Variants in PARD3B observed in about 807,000 individuals in gnomAD.
PARD3B encodes partitioning defective 3 homolog B.
Under a neutral mutation model 130.2 loss-of-function variants are expected in PARD3B, and 103 were observed. The observed-to-expected ratio is 0.79, with a 90% CI of 0.67 to 0.93. The LOEUF (loss-of-function observed/expected upper bound fraction) is 0.93, where lower values mean the gene tolerates loss of function less well. PARD3B is among the 40% of genes least tolerant of loss of function. The pLI is 0.00. For synonymous variants in PARD3B, 583 were observed against 553.2 expected (o/e 1.05, Z -0.76); for missense variants, 1,609 against 1,499.2 (o/e 1.07, Z -1.21).
intron 16 of PARD3B, among the ~76,000 whole-genome samples, chr2:205,279,543 G>T (rs1383835631): frequency 6.6e-6 from 1 of 152,152 alleles, no homozygotes; most frequent in African/African-American, 2.4e-5. Context: ...CTAAATGGAT[G>T]TCATACCATT....
intron 2 of PARD3B, among the ~76,000 whole-genome samples, chr2:204,730,113 C>T (rs1559095769): frequency 6.6e-6 from 1 of 151,874 alleles, no homozygotes; most frequent in Non-Finnish European, 1.5e-5. Flanking sequence ...TTGCTCTTGT[C>T]ACCCAGGCTG....
At chr2:205,384,205 T>C (rs1421084422) in intron 18 of PARD3B, among the ~76,000 whole-genome samples, 1 of 152,122 alleles carries the variant, frequency 6.6e-6, no homozygotes, top group East Asian at 1.9e-4. Flanking sequence ...GCAAGCCTTA[T>C]AATAGCTACT....
chr2:205,557,488 A>C (rs756292310), intron 22 of PARD3B, among the ~76,000 whole-genome samples: 1 of 152,122 alleles, frequency 6.6e-6, no homozygotes, highest in Non-Finnish European at 1.5e-5. Flanking sequence ...CTTAGCTCAC[A>C]CACGCTTCCC....
intron 15 of PARD3B, among the ~76,000 whole-genome samples, chr2:205,223,021 C>G (rs996097774): frequency 2.6e-5 from 4 of 151,998 alleles, no homozygotes; most frequent in African/African-American, 9.7e-5. Flanking sequence ...GGAGGAAATG[C>G]TAAAGTGTTC....
chr2:204,743,154 A>C lies in PARD3B; in HGVS notation c.222+56872A>C, dbSNP rs558237982. 7.2e-5 allele frequency among the ~76,000 whole-genome samples: 11 copies of C among 152,288 alleles called. No individual in the cohort carries two copies. The South Asian group carries it at 2.1e-3, about 29-fold the overall frequency. ...GTTTTAGTGTATGTACCCAGAGTAGATACTTACTAAATGTTGGTTAAATGA... is the reference window on the plus strand; with the variant it reads ...GTTTTAGTGTATGTACCCAGAGTAGCTACTTACTAAATGTTGGTTAAATGA... On this transcript the variant is annotated intron_variant, in intron 2 of 22. Coordinates refer to ENST00000406610, the MANE Select transcript of PARD3B (RefSeq NM_001302769.2).
intron 15 of PARD3B, among the ~76,000 whole-genome samples, chr2:205,236,552 C>T (rs968082092): frequency 6.6e-6 from 1 of 152,086 alleles, no homozygotes; most frequent in Non-Finnish European, 1.5e-5. Flanking sequence ...GGACTTCTAT[C>T]CTCCAGAAAT....
intron 2 of PARD3B, among the ~76,000 whole-genome samples, chr2:204,798,467 G>A (rs2042452131): frequency 6.6e-6 from 1 of 152,148 alleles, no homozygotes; most frequent in Admixed American, 6.5e-5. Flanking sequence ...TAGGCCACAA[G>A]GACTGCAATT....
intron 2 of PARD3B, among the ~76,000 whole-genome samples, chr2:204,711,181 CA>C (rs2038415543): frequency 6.6e-6 from 1 of 152,046 alleles, no homozygotes; most frequent in Non-Finnish European, 1.5e-5. Context: ...TGGACTTAAA[CA>C]ATTACTTGTT....
chr2:204,734,551 C>G, intron 2 of PARD3B, among the ~76,000 whole-genome samples: 1 of 151,938 alleles, frequency 6.6e-6, no homozygotes. Context: ...TATATCTATA[C>G]AGTGGAATTC....
chr2:204,622,699 A>G (rs369166497), intron 1 of PARD3B, among the ~76,000 whole-genome samples: 2 of 152,118 alleles, frequency 1.3e-5, no homozygotes, highest in African/African-American at 4.8e-5. Flanking sequence ...ATAAGAGGGT[A>G]AGTAACATGT....
chr2:204,797,160 G>A (rs1271628634), intron 2 of PARD3B, among the ~76,000 whole-genome samples: 1 of 138,404 alleles, frequency 7.2e-6, no homozygotes, highest in Non-Finnish European at 1.5e-5. Flanking sequence ...GAGAGACAGA[G>A]CGAGACTCTG....
chr2:204,570,798 C>A (rs1574479175), intron 1 of PARD3B, among the ~76,000 whole-genome samples: 1 of 148,952 alleles, frequency 6.7e-6, no homozygotes. Context: ...GCTGTTGTAA[C>A]TGAGGTGTAT....
intron 3 of PARD3B, among the ~76,000 whole-genome samples, chr2:205,020,936 C>T (rs1696548839): frequency 6.6e-6 from 1 of 152,082 alleles, no homozygotes; most frequent in African/African-American, 2.4e-5. Flanking sequence ...TGAGTGAGAT[C>T]CCGCTAGAGG....
At position 205,503,074 on chromosome 2, in the gene PARD3B, C is replaced by T. The variant is rs568258135; in HGVS notation, c.3180+3043C>T. The stretch of plus-strand genomic sequence containing the variant: ...TCCCTCTTCCCCTCTCCCCTTTTTC[C>T]TCCCTTCTCCTCTCCCCTGACTCCT... On this transcript the variant is annotated intron_variant, in intron 21 of 22. Coordinates refer to ENST00000406610, the MANE Select transcript of PARD3B (RefSeq NM_001302769.2). Among the ~76,000 whole-genome samples the T allele has an allele frequency of 9.3e-5, 14 of 151,230 alleles. No homozygotes were observed. In the South Asian group the frequency reaches 2.7e-3, roughly 30 times the overall value.
At chr2:205,524,324 G>A (rs1174489482) in intron 21 of PARD3B, among the ~76,000 whole-genome samples, 2 of 152,106 alleles carry the variant, frequency 1.3e-5, no homozygotes, top group African/African-American at 2.4e-5. Context: ...AAGATTTGTA[G>A]AAGAGTCCCC....
chr2:205,124,901 G>C (rs2031202462), intron 9 of PARD3B, among the ~76,000 whole-genome samples: 2 of 152,188 alleles, frequency 1.3e-5, no homozygotes, highest in African/African-American at 4.8e-5. Context: ...ATCTGTGCTA[G>C]GATAGCAATG....
At chr2:205,089,306 G>A (rs981575972) in intron 4 of PARD3B, among the ~76,000 whole-genome samples, 1 of 151,864 alleles carries the variant, frequency 6.6e-6, no homozygotes, top group Non-Finnish European at 1.5e-5. Context: ...GAGTAGCTGG[G>A]ATTACAGGCA....
chr2:205,363,276 G>C (rs1269449937), intron 18 of PARD3B, among the ~76,000 whole-genome samples: 1 of 152,166 alleles, frequency 6.6e-6, no homozygotes, highest in Admixed American at 6.5e-5. Context: ...GTCCCCAGAA[G>C]AGCAACCACA....
At chr2:205,602,368 T>C (rs2054821254) in intron 22 of PARD3B, among the ~76,000 whole-genome samples, 1 of 152,238 alleles carries the variant, frequency 6.6e-6, no homozygotes, top group South Asian at 2.1e-4. Flanking sequence ...CAGGTTTTGA[T>C]ATTAGGATGA....
Sources: allele counts gnomAD v4.1 joint callset (sites outside exome capture counted in the v4.1 genomes callset), GRCh38; gene constraint gnomAD v4.1.1; transcripts MANE v1.5; gene names NCBI Gene and HGNC (gene_info 2026-07-23, HGNC 2026-07-21).